Variants in ZP2 observed in about 807,000 individuals in gnomAD.
ZP2 encodes the protein zona pellucida glycoprotein 2, also known as zona pellucida sperm-binding protein 2.
A neutral mutation model predicts 84.0 loss-of-function variants in ZP2; 51 were observed. That is an observed-to-expected ratio of 0.61 (90% CI 0.49 to 0.77). The LOEUF (loss-of-function observed/expected upper bound fraction) is 0.77. ZP2 is among the 30% of genes least tolerant of loss of function. The pLI is 0.00. For missense variants in ZP2, 909 were observed against 911.9 expected (o/e 1.00, Z 0.04); for synonymous variants, 375 against 330.9 (o/e 1.13, Z -1.45).
chr16:21,211,818 A>T (rs546146857), upstream of ZP2: 3 of 1,379,026 alleles, frequency 2.2e-6, no homozygotes, highest in Admixed American at 2.9e-5. Flanking sequence ...TTTCCCTATA[A>T]CTATGGGGGA....
At chr16:21,209,931 AAGAC>A (rs2093266784) in intron 3 of ZP2, 174 bp downstream of exon 3, 1 of 698,410 alleles carries the variant, frequency 1.4e-6, no homozygotes, top group Admixed American at 2.5e-5. Context: ...CACACTTTCG[AAGAC>A]AGACAGGTCT....
At position 21,210,113 on chromosome 16, in the gene ZP2, C is replaced by T. The variant is rs139990782; in HGVS notation, c.231G>A (p.Val77=). ...SPGTKKWHAS[V]VDPLGLDMPN... is the part of the protein sequence containing the mutation. Reference sequence around the variant, plus strand: ...GAGATAACACACGTTACCTACCCACCACAGATGCATGCCATTTCTTGGTGC... The same window carrying T: ...GAGATAACACACGTTACCTACCCACTACAGATGCATGCCATTTCTTGGTGC... Residue 77 remains valine, a synonymous_variant, in exon 3 of 19, where the codon GTG becomes GTA. Transcript: ENST00000574091. The T allele has an allele frequency of 2.5e-5, 40 of 1,613,970 alleles. No individual in the cohort carries two copies. The highest frequency in any genetic ancestry group is 3.3e-5 in the Non-Finnish European group (39 of 1,179,894).
chr16:21,201,523 A>G lies in ZP2; in HGVS notation c.1540T>C (p.Tyr514His). ...TGGCGGAGGAATCTCACTAGAGGGT[A>G]CTCGTTTTCCCCATAAGGTTGTTGG... Reference protein sequence around the residue: ...SYQQPYGENEYPLVRFLRQPI... With the variant: ...SYQQPYGENEHPLVRFLRQPI... The change falls in exon 14 of 19, where the codon TAC becomes CAC. Residue 514 changes from tyrosine (Y) to histidine (H), a missense_variant. By Grantham distance (83) the Tyr-to-His change is moderately conservative (BLOSUM62 2). Coordinates refer to ENST00000574091, the MANE Select transcript of ZP2 (RefSeq NM_001376232.1). 1 of 1,611,782 alleles carries G rather than the reference A, an allele frequency of 6.2e-7. No homozygotes were observed. Among genetic ancestry groups the G allele is most frequent in the South Asian group, 1.1e-5 (1 of 90,446 alleles).
chr16:21,205,853 G>T (rs2093247373), intron 5 of ZP2, 78 bp from the exon 6 acceptor site: 1 of 1,482,456 alleles, frequency 6.7e-7, no homozygotes. Flanking sequence ...ATTGCTGTGT[G>T]GTTGTCATAC....
At chr16:21,201,346 C>T in intron 14 of ZP2, 23 bp downstream of exon 14, 1 of 1,515,276 alleles carries the variant, frequency 6.6e-7, no homozygotes, top group Non-Finnish European at 8.8e-7. Flanking sequence ...GCTGGGTAAC[C>T]TGATAGTACA....
At position 21,206,972 on chromosome 16, in the gene ZP2, T is replaced by C; in HGVS notation, c.349A>G (p.Thr117Ala). The part of the protein sequence containing the change: ...TRRVHGGHQM[T>A]IRVMNNSAAL... ...GCACTGTTGTTCATGACTCTGATGG[T>C]CATCTGGTGTCCACCATGCTGTGTA... The change falls in exon 5 of 19, where the codon ACC becomes GCC. Residue 117 changes from threonine to alanine, a missense_variant. Transcript: ENST00000574091. 1 of 1,614,094 alleles carries C rather than the reference T, an allele frequency of 6.2e-7. No homozygotes were observed. The highest frequency in any genetic ancestry group is 1.7e-5 in the Admixed American group (1 of 60,006).
At chr16:21,205,366 T>C (rs955821769) in intron 7 of ZP2, 54 bp downstream of exon 7, 73 of 1,585,526 alleles carry the variant, frequency 4.6e-5, no homozygotes, top group Admixed American at 2.8e-4. Context: ...CATGCTTCAA[T>C]TTAGGAATAC....
intron 9 of ZP2, 146 bp downstream of exon 9, chr16:21,203,884 T>C (rs1335053917): frequency 1.3e-6 from 1 of 763,750 alleles, no homozygotes; most frequent in Non-Finnish European, 2.2e-6. Context: ...TTATACAAGA[T>C]GATCAAATGA....
Position 21,202,225 on chromosome 16 carries a change from G to T in ZP2, c.1166C>A (p.Pro389Gln). The change falls in exon 11 of 19, where the codon CCA becomes CAA. Residue 389 changes from proline (P) to glutamine (Q), a missense_variant. Coordinates refer to ENST00000574091, the MANE Select transcript of ZP2 (RefSeq NM_001376232.1). Reference protein sequence around the residue: ...DVEVYSYQTQPALDLGTLRVG... With the variant: ...DVEVYSYQTQQALDLGTLRVG... ...CCTCAGAGTACCCAGGTCAAGAGCT[G>T]GTTGTGTTTGGTAGCTGTAGACCTC... 1.3e-6 allele frequency: 2 copies of T among 1,575,174 alleles called. No individual in the cohort carries two copies. Among genetic ancestry groups the T allele is most frequent in the Non-Finnish European group, 1.7e-6 (2 of 1,167,988 alleles).
rs775980035 is a variant in ZP2 at position 21,202,121 on chromosome 16, A to G, written c.1270T>C (p.Cys424Arg). Residue 424 changes from cysteine to arginine, a missense_variant, in exon 11 of 19, where the codon TGT becomes CGT. Cys to Arg is a radical substitution (Grantham distance 180). Transcript: ENST00000574091. ...GTACTAACCTTATATCTCGTTCCAC[A>G]TCCATTCAGGGGTATGTGGAACCGT... ...LVRFHIPLNGCGTRYKFEDDK... is the reference protein window; with the variant it reads ...LVRFHIPLNGRGTRYKFEDDK... 1.2e-5 allele frequency: 19 copies of G among 1,613,142 alleles called. No homozygotes were observed. The highest frequency in any genetic ancestry group is 1.6e-5 in the Non-Finnish European group (19 of 1,179,630).
At chr16:21,207,664 A>G (rs892611150) in intron 4 of ZP2, among the ~76,000 whole-genome samples, 1 of 148,472 alleles carries the variant, frequency 6.7e-6, no homozygotes, top group African/African-American at 2.5e-5. Flanking sequence ...ACACACACAC[A>G]CACACACACA....
chr16:21,203,999 G>C (rs758170180), intron 9 of ZP2, 31 bp downstream of exon 9: 1 of 1,607,144 alleles, frequency 6.2e-7, no homozygotes, highest in Non-Finnish European at 8.5e-7. Context: ...TCAGGACCCG[G>C]TGGAGTTCAG....
At chr16:21,213,021 T>C (rs1231484343), upstream of ZP2, among the ~76,000 whole-genome samples, 1 of 152,220 alleles carries the variant, frequency 6.6e-6, no homozygotes, top group East Asian at 1.9e-4. Context: ...CAAAAGTGAT[T>C]GCAGTTTTTG....
At chr16:21,204,451 A>T (rs2093240610) in intron 7 of ZP2, 47 bp from the exon 8 acceptor site, 1 of 1,478,134 alleles carries the variant, frequency 6.8e-7, no homozygotes, top group Non-Finnish European at 9.4e-7. Flanking sequence ...GGTTACTTGA[A>T]TCTCTAACCA....
intron 16 of ZP2, 116 bp from the exon 17 acceptor site, chr16:21,198,978 T>A: frequency 1.0e-6 from 1 of 992,414 alleles, no homozygotes; most frequent in Non-Finnish European, 1.5e-6. Context: ...GTGGTTTGTC[T>A]TGCCTTTGCA....
rs2093211094 is a variant in ZP2, at chr16:21,198,763, G to A, written c.2011+16C>T. On this transcript the variant is annotated intron_variant, in intron 17 of 18. Transcript: ENST00000574091. ...GAACTTGAATCCAGGAAGTACTCCA[G>A]GCTTTAGGTCCATACCTCTGAATGA... 2 of 1,612,372 alleles carry A rather than the reference G, an allele frequency of 1.2e-6. No homozygotes were observed. Among genetic ancestry groups the A allele is most frequent in the East Asian group, 2.2e-5 (1 of 44,846 alleles).
chr16:21,211,215 C>G, intron 2 of ZP2, 92 bp downstream of exon 2: 1 of 1,131,730 alleles, frequency 8.8e-7, no homozygotes, highest in Non-Finnish European at 1.3e-6. Context: ...TGGAGGTTGT[C>G]TGAGCCAGGC....
Position 21,199,626 on chromosome 16 carries a change from G to T in ZP2, c.1871C>A (p.Ser624Tyr), listed in dbSNP as rs144503112. 3 of 1,613,794 alleles carry T rather than the reference G, an allele frequency of 1.9e-6. No individual in the cohort carries two copies. Among genetic ancestry groups the T allele is most frequent in the Non-Finnish European group, 2.5e-6 (3 of 1,179,948 alleles). Residue 624 changes from serine to tyrosine, a missense_variant, in exon 16 of 19, where the codon TCC (serine) becomes TAC (tyrosine). Ser to Tyr is a moderately radical substitution (Grantham distance 144). Transcript: ENST00000574091. Reference protein sequence around the residue: ...HCSALICNRLSPDSPLCSVTC... With the variant: ...HCSALICNRLYPDSPLCSVTC... ...CACAGAACACAGTGGGGAGTCAGGGGAGAGTCGATTACAGATTAAGGCACT... is the reference window on the plus strand; with the variant it reads ...CACAGAACACAGTGGGGAGTCAGGGTAGAGTCGATTACAGATTAAGGCACT...
Position 21,201,756 on chromosome 16 carries a change from A to G in ZP2, c.1454T>C (p.Val485Ala), listed in dbSNP as rs1183423626. 1 of 1,613,984 alleles carries G rather than the reference A, an allele frequency of 6.2e-7. No individual in the cohort carries two copies. The highest frequency in any genetic ancestry group is 8.5e-7 in the Non-Finnish European group (1 of 1,180,016). Reference sequence around the variant, plus strand: ...AAATGGACCCAACTTCACTGAGGCCACTGGAGGAGTAAGGCTTTCAACGTT... The same window carrying G: ...AAATGGACCCAACTTCACTGAGGCCGCTGGAGGAGTAAGGCTTTCAACGTT... The part of the protein sequence containing the change: ...NINVESLTPP[V>A]ASVKLGPFTL... Residue 485 changes from valine (V) to alanine (A), a missense_variant, in exon 13 of 19, where the codon GTG becomes GCG. Val to Ala is a moderately conservative substitution (Grantham distance 64). Coordinates refer to ENST00000574091, the MANE Select transcript of ZP2 (RefSeq NM_001376232.1).
Sources: gnomAD v4.1 joint callset for allele counts (sites outside exome capture counted in the v4.1 genomes callset) on GRCh38, gnomAD v4.1.1 for gene constraint, MANE v1.5 for transcripts, NCBI Gene and HGNC (gene_info 2026-07-23, HGNC 2026-07-21) for gene names.